Variants in ITGA1 observed in about 807,000 individuals in gnomAD.
The protein encoded by ITGA1 is integrin alpha-1.
In ITGA1, 85 loss-of-function variants were observed where a neutral mutation model predicts 145.9. That is an observed-to-expected ratio of 0.58 (90% CI 0.49 to 0.70). The LOEUF (loss-of-function observed/expected upper bound fraction) is 0.70, where lower values mean the gene tolerates loss of function less well. ITGA1 is among the 30% of genes least tolerant of loss of function. ITGA1 has a pLI of 0.00. For synonymous variants in ITGA1, 520 were observed against 495.3 expected, an observed-to-expected ratio of 1.05 and a Z score of -0.66; for missense variants, 1,351 against 1,418.7, an observed-to-expected ratio of 0.95 and a Z score of 0.77.
chr5:52,895,579 T>G (rs766820118), intron 9 of ITGA1, among the ~76,000 whole-genome samples: 7 of 152,192 alleles, frequency 4.6e-5, no homozygotes, highest in Non-Finnish European at 8.8e-5. Flanking sequence ...GTGTCATTTC[T>G]AAATCTCCTT....
intron 6 of ITGA1, among the ~76,000 whole-genome samples, chr5:52,872,274 T>C (rs1400610968): frequency 2.0e-5 from 3 of 152,168 alleles, no homozygotes; most frequent in Non-Finnish European, 4.4e-5. Context: ...GAGGGAGACA[T>C]GCAGCCATAC....
In ITGA1 at chr5:52,893,959, A is replaced by G. The variant is rs529041976; in HGVS notation, c.1090+119A>G. On this transcript the variant is annotated intron_variant, in intron 9 of 28. Transcript: ENST00000282588. ...CTTTTTTTTTTTTTTTACTGTGTAC[A>G]ATATCTAGCATGGAACAATGCTCTT... 3 of 697,164 alleles carry G rather than the reference A, an allele frequency of 4.3e-6. No homozygotes were observed. The Admixed American group carries it at 7.8e-5, about 18-fold the overall frequency. The allele number at this position is 697,164 out of a possible 1,614,324, so 43.2% of individuals were successfully genotyped here.
intron 6 of ITGA1, among the ~76,000 whole-genome samples, chr5:52,877,379 C>A (rs201064541): frequency 8.5e-5 from 13 of 152,236 alleles, no homozygotes; most frequent in East Asian, 7.7e-4. Flanking sequence ...GGAGGCGAGA[C>A]TTGACTCTGG....
intron 1 of ITGA1, among the ~76,000 whole-genome samples, chr5:52,831,377 G>A (rs1749067770): frequency 2.0e-5 from 3 of 151,878 alleles, no homozygotes; most frequent in Non-Finnish European, 2.9e-5. Flanking sequence ...CAAGTGATCT[G>A]CCCACCTCAG....
intron 21 of ITGA1, 76 bp from the exon 22 acceptor site, chr5:52,931,970 CT>C: frequency 1.2e-6 from 1 of 847,584 alleles, no homozygotes; most frequent in East Asian, 2.5e-5. Flanking sequence ...GGATAAGCTT[CT>C]CTTTCAAACA....
In ITGA1 at chr5:52,939,880, T is replaced by C; in HGVS notation, c.3221T>C (p.Leu1074Pro). The change falls in exon 26 of 29, where the codon CTC (leucine) becomes CCC (proline). Residue 1074 changes from leucine (L) to proline (P), a missense_variant. By Grantham distance (98) the Leu-to-Pro change is moderately conservative (BLOSUM62 -3). Coordinates refer to ENST00000282588, the MANE Select transcript of ITGA1 (RefSeq NM_181501.2). ...AAATTTGCTACCATCACATGTAATC[T>C]CACTTCTTCTGACATCAGCCAAGTC... ...TCKFATITCNLTSSDISQVNV... is the reference protein window; with the variant it reads ...TCKFATITCNPTSSDISQVNV... The C allele has an allele frequency of 6.2e-7, 1 of 1,613,766 alleles. No homozygotes were observed. Among genetic ancestry groups the C allele is most frequent in the Non-Finnish European group, 8.5e-7 (1 of 1,179,668 alleles).
At chr5:52,854,564 GC>G (rs753439234) in intron 2 of ITGA1, among the ~76,000 whole-genome samples, 1 of 152,126 alleles carries the variant, frequency 6.6e-6, no homozygotes, top group African/African-American at 2.4e-5. Flanking sequence ...AGCAGAATTT[GC>G]TTGGCACTCT....
chr5:52,902,797 ACTCCTGAC>A (rs1750337291), intron 11 of ITGA1: 1 of 151,390 alleles, frequency 6.6e-6, no homozygotes, highest in South Asian at 2.1e-4. Context: ...CTGGTCTCGA[ACTCCTGAC>A]CTCAGGTGAT....
chr5:52,828,008 C>G (rs1748996715), intron 1 of ITGA1, among the ~76,000 whole-genome samples: 1 of 152,126 alleles, frequency 6.6e-6, no homozygotes, highest in Admixed American at 6.5e-5. Context: ...GAATAATATT[C>G]TATTGTATGG....
chr5:52,832,579 C>G (rs1749088113), intron 1 of ITGA1, among the ~76,000 whole-genome samples: 1 of 152,126 alleles, frequency 6.6e-6, no homozygotes, highest in Non-Finnish European at 1.5e-5. Flanking sequence ...TTCTTCTAAT[C>G]TCCATATTTT....
At chr5:52,927,501 C>T in intron 19 of ITGA1, 83 bp from the exon 20 acceptor site, 1 of 907,304 alleles carries the variant, frequency 1.1e-6, no homozygotes, top group Non-Finnish European at 1.7e-6. Flanking sequence ...GTCACCAAGA[C>T]ACATCTGGGA....
chr5:52,926,045 G>C (rs992390455), intron 19 of ITGA1, among the ~76,000 whole-genome samples: 2 of 151,964 alleles, frequency 1.3e-5, no homozygotes, highest in African/African-American at 4.8e-5. Flanking sequence ...TGTGAACTTT[G>C]CTCTTAATTC....
intron 1 of ITGA1, among the ~76,000 whole-genome samples, chr5:52,819,336 A>G (rs1026720118): frequency 3.3e-5 from 5 of 152,186 alleles, no homozygotes; most frequent in African/African-American, 1.2e-4. Flanking sequence ...AATGATCGCC[A>G]TTCTAACTGG....
chr5:52,825,788 C>G (rs1748951243), intron 1 of ITGA1, among the ~76,000 whole-genome samples: 1 of 151,958 alleles, frequency 6.6e-6, no homozygotes. Flanking sequence ...CGTGGTGGCG[C>G]CTGCCTGTAA....
intron 24 of ITGA1, 73 bp from the exon 25 acceptor site, chr5:52,939,517 C>A: frequency 2.1e-6 from 2 of 955,366 alleles, no homozygotes; most frequent in Non-Finnish European, 3.3e-6. Context: ...AGATTCTTTA[C>A]ACTACTGCAG....
intron 1 of ITGA1, among the ~76,000 whole-genome samples, chr5:52,828,314 A>G (rs1749002118): frequency 6.6e-6 from 1 of 151,694 alleles, no homozygotes; most frequent in South Asian, 2.1e-4. Flanking sequence ...GTCAATCCTT[A>G]TTTTCTGTTT....
At chr5:52,810,671 A>T (rs1417245130) in intron 1 of ITGA1, among the ~76,000 whole-genome samples, 1 of 152,210 alleles carries the variant, frequency 6.6e-6, no homozygotes, top group African/African-American at 2.4e-5. Context: ...TGCCTCATTA[A>T]ATACACTAGT....
rs1039167665 is a variant in ITGA1, at chr5:52,915,652, G to T, written c.1988+58G>T. On this transcript the variant is annotated intron_variant, in intron 15 of 28. Coordinates refer to ENST00000282588, the MANE Select transcript of ITGA1 (RefSeq NM_181501.2). ...GACTGGGTCACTTGCAGAGCTCCCA[G>T]TGTGATTGGAGCTCATGTCATACCA... 172 of 1,582,382 alleles carry T rather than the reference G, an allele frequency of 1.1e-4. No individual in the cohort carries two copies. The African/African-American group carries it at 2.2e-3, about 20-fold the overall frequency.
intron 2 of ITGA1, among the ~76,000 whole-genome samples, chr5:52,855,328 T>G (rs1466089163): frequency 6.6e-6 from 1 of 152,160 alleles, no homozygotes; most frequent in Non-Finnish European, 1.5e-5. Context: ...AAGCTGAATA[T>G]ATATTCTCTA....
Sources: gnomAD v4.1 joint callset for allele counts (sites outside exome capture counted in the v4.1 genomes callset) on GRCh38, gnomAD v4.1.1 for gene constraint, MANE v1.5 for transcripts, NCBI Gene and HGNC (gene_info 2026-07-23, HGNC 2026-07-21) for gene names.